Variants in PCDHA1 observed in about 807,000 individuals in gnomAD.
PCDHA1 encodes protocadherin alpha 1, also known as protocadherin alpha-1.
A neutral mutation model predicts 61.3 loss-of-function variants in PCDHA1; 42 were observed. That is an observed-to-expected ratio of 0.69 (90% CI 0.54 to 0.89). The LOEUF (loss-of-function observed/expected upper bound fraction) is 0.89. PCDHA1 is among the 40% of genes least tolerant of loss of function. The pLI, the probability that PCDHA1 is intolerant of heterozygous loss-of-function variation, is 0.00. For synonymous variants in PCDHA1, 610 were observed against 553.8 expected (o/e 1.10, Z -1.43); for missense variants, 1,256 against 1,235.3 (o/e 1.02, Z -0.25).
At chr5:140,795,639 C>T (rs375678815) in intron 1 of PCDHA1, 5 of 1,614,076 alleles carry the variant, frequency 3.1e-6, no homozygotes, top group Admixed American at 1.7e-5. Context: ...TCACGGGCAC[C>T]GTTCAAATAC....
intron 1 of PCDHA1, chr5:140,822,891 C>A (rs2150120140): frequency 1.9e-6 from 3 of 1,614,226 alleles, no homozygotes; most frequent in Non-Finnish European, 2.5e-6. Context: ...CTCTGATCAG[C>A]GTGTCTGACC....
intron 1 of PCDHA1, chr5:140,834,591 T>C: frequency 1.2e-6 from 2 of 1,614,048 alleles, no homozygotes; most frequent in Non-Finnish European, 1.7e-6. Flanking sequence ...GGTGTGCAAA[T>C]TCCGTGGGGA....
At chr5:140,927,481 G>C in intron 1 of PCDHA1, 2 of 1,614,072 alleles carry the variant, frequency 1.2e-6, no homozygotes, top group Non-Finnish European at 1.7e-6. Context: ...CGAACAGCGC[G>C]CCACCCACCT....
At chr5:140,904,547 T>C (rs1313461939) in intron 1 of PCDHA1, among the ~76,000 whole-genome samples, 1 of 152,116 alleles carries the variant, frequency 6.6e-6, no homozygotes, top group African/African-American at 2.4e-5. Flanking sequence ...ATCTTTTTCA[T>C]ATAATGACTT....
At chr5:140,981,128 G>A (rs1340714771) in intron 2 of PCDHA1, among the ~76,000 whole-genome samples, 1 of 152,214 alleles carries the variant, frequency 6.6e-6, no homozygotes, top group Non-Finnish European at 1.5e-5. Flanking sequence ...GTTGTTTGAA[G>A]TCAAAGAGTG....
At chr5:140,876,231 A>G (rs1428769390) in intron 1 of PCDHA1, 1 of 1,613,886 alleles carries the variant, frequency 6.2e-7, no homozygotes, top group African/African-American at 1.3e-5. Context: ...TGTTGTCTGA[A>G]AATGTCCAAA....
intron 1 of PCDHA1, chr5:140,808,597 G>A (rs1355815972): frequency 1.4e-5 from 22 of 1,613,830 alleles, no homozygotes; most frequent in Non-Finnish European, 1.6e-5. Context: ...ACAACCCGCC[G>A]GGCTGCCACA....
chr5:140,829,400 G>T (rs2150167159), intron 1 of PCDHA1: 1 of 1,614,056 alleles, frequency 6.2e-7, no homozygotes, highest in East Asian at 2.2e-5. Context: ...TTCGCTGTGG[G>T]CCACCGCCAG....
intron 1 of PCDHA1, among the ~76,000 whole-genome samples, chr5:140,962,457 G>T (rs1563323233): frequency 6.6e-6 from 1 of 151,950 alleles, no homozygotes; most frequent in Non-Finnish European, 1.5e-5. Flanking sequence ...AATCTCTTAT[G>T]GCTTGAATCT....
chr5:140,884,634 GGGA>G (rs1562808845), intron 1 of PCDHA1: 3 of 1,612,414 alleles, frequency 1.9e-6, no homozygotes, highest in Non-Finnish European at 2.5e-6. Context: ...ACAGGCCAGA[GGGA>G]GGAGGACTCA....
intron 1 of PCDHA1, among the ~76,000 whole-genome samples, chr5:140,838,607 T>C (rs1389543577): frequency 1.3e-5 from 2 of 152,052 alleles, no homozygotes; most frequent in Non-Finnish European, 2.9e-5. Flanking sequence ...GTCTAGACTT[T>C]TAAAAATTTT....
At chr5:140,883,343 A>G in intron 1 of PCDHA1, 1 of 1,614,142 alleles carries the variant, frequency 6.2e-7, no homozygotes, top group Non-Finnish European at 8.5e-7. Context: ...GTCACTCCCC[A>G]TCAGAGAAGA....
chr5:140,987,579 G>A (rs1587244490), intron 3 of PCDHA1, among the ~76,000 whole-genome samples: 1 of 152,280 alleles, frequency 6.6e-6, no homozygotes, highest in East Asian at 1.9e-4. Flanking sequence ...TCTATAAAAT[G>A]GGGAGAATAG....
intron 1 of PCDHA1, among the ~76,000 whole-genome samples, chr5:140,937,823 A>T (rs2091776135): frequency 6.6e-6 from 1 of 151,692 alleles, no homozygotes; most frequent in Admixed American, 6.6e-5. Context: ...GAGGCAGGAG[A>T]ATGGCATGAA....
intron 1 of PCDHA1, chr5:140,875,619 T>G (rs369772491): frequency 7.7e-5 from 125 of 1,613,602 alleles, no homozygotes; most frequent in African/African-American, 7.5e-4. Flanking sequence ...GCCGCATCGC[T>G]CAGGACCTGG....
chr5:140,873,959 C>A (rs782271124), intron 1 of PCDHA1, among the ~76,000 whole-genome samples: 1 of 152,136 alleles, frequency 6.6e-6, no homozygotes, highest in Non-Finnish European at 1.5e-5. Context: ...CTGAGCCCAG[C>A]CTATTTTTTA....
At chr5:140,858,877 T>C (rs1192816588) in intron 1 of PCDHA1, 1 of 245,498 alleles carries the variant, frequency 4.1e-6, no homozygotes, top group Non-Finnish European at 7.9e-6. Context: ...TGTGTTTTCC[T>C]CCATGTGTAG....
chr5:140,809,186 G>T, intron 1 of PCDHA1: 1 of 1,614,038 alleles, frequency 6.2e-7, no homozygotes, highest in Non-Finnish European at 8.5e-7. Context: ...CACTGTGCTG[G>T]TGTCACTTGT....
chr5:140,924,901 A>AAAAAAT (rs369245222), intron 1 of PCDHA1, among the ~76,000 whole-genome samples: 13 of 80,502 alleles, frequency 1.6e-4, no homozygotes, highest in East Asian at 1.6e-3. Flanking sequence ...TCTCAAAAAA[A>AAAAAAT]AAAATAAAAT....
Sources: allele counts gnomAD v4.1 joint callset (sites outside exome capture counted in the v4.1 genomes callset), GRCh38; gene constraint gnomAD v4.1.1; transcripts MANE v1.5; gene names NCBI Gene and HGNC (gene_info 2026-07-23, HGNC 2026-07-21).